RHOA: variants seen among roughly 807,000 people sequenced by gnomAD.
The protein encoded by RHOA is ras homolog family member A.
Under a neutral mutation model 17.5 loss-of-function variants are expected in RHOA, and 3 were observed. The observed-to-expected ratio is 0.17, with a 90% CI of 0.08 to 0.44. The LOEUF (loss-of-function observed/expected upper bound fraction) is 0.44. RHOA is among the 20% of genes least tolerant of loss of function. The pLI is 0.99. For missense variants in RHOA, 56 were observed against 242.3 expected (o/e 0.23, Z 5.10); for synonymous variants, 98 against 88.4 (o/e 1.11, Z -0.61).
At chr3:49,360,497 C>T in intron 4 of RHOA, 115 bp from the exon 5 acceptor site, 1 of 1,166,298 alleles carries the variant, frequency 8.6e-7, no homozygotes. Flanking sequence ...GACAGTTTTG[C>T]TCGTCGGTCG....
intron 1 of RHOA, among the ~76,000 whole-genome samples, chr3:49,377,646 C>T (rs950187920): frequency 6.7e-6 from 1 of 149,690 alleles, no homozygotes; most frequent in Non-Finnish European, 1.5e-5. Context: ...TGGTAGCATG[C>T]ACCTGTAGTC....
At chr3:49,389,239 C>T (rs569362096) in intron 1 of RHOA, among the ~76,000 whole-genome samples, 10 of 151,656 alleles carry the variant, frequency 6.6e-5, no homozygotes, top group African/African-American at 2.2e-4. Context: ...CCCAGCTACT[C>T]GGGGGGCTGA....
At chr3:49,388,733 T>C (rs540111629) in intron 1 of RHOA, among the ~76,000 whole-genome samples, 1 of 152,188 alleles carries the variant, frequency 6.6e-6, no homozygotes, top group Admixed American at 6.6e-5. Flanking sequence ...ATTTAGTATC[T>C]CACATTTTGA....
chr3:49,404,759 T>C (rs979644017), intron 1 of RHOA, among the ~76,000 whole-genome samples: 1 of 137,306 alleles, frequency 7.3e-6, no homozygotes. Context: ...TTAAACCCCG[T>C]CTCTACTAAA....
chr3:49,368,700 CTTTTTTCTTTT>C, intron 2 of RHOA, 152 bp from the exon 3 acceptor site: 1 of 491,624 alleles, frequency 2.0e-6, no homozygotes, highest in African/African-American at 2.5e-5. Context: ...TACATTTTTT[CTTTTTTCTTTT>C]TTTTTTTTTT....
At chr3:49,394,421 G>A (rs2048578036) in intron 1 of RHOA, among the ~76,000 whole-genome samples, 1 of 152,048 alleles carries the variant, frequency 6.6e-6, no homozygotes, top group South Asian at 2.1e-4. Context: ...CATGATCTTG[G>A]CTCAATGCAA....
intron 1 of RHOA, among the ~76,000 whole-genome samples, chr3:49,411,511 G>A (rs2048935078): frequency 6.6e-6 from 1 of 152,058 alleles, no homozygotes; most frequent in Non-Finnish European, 1.5e-5. Flanking sequence ...GCCCGGCGCC[G>A]CTGGGAGAGG....
At chr3:49,399,054 C>CAAAAAAAAAAAAAAAAAAAAAAAAA (rs10530558) in intron 1 of RHOA, among the ~76,000 whole-genome samples, 2 of 24,840 alleles carry the variant, frequency 8.1e-5, no homozygotes, top group Non-Finnish European at 1.3e-4. Context: ...GACTCCGTCT[C>CAAAAAAAAAAAAAAAAAAAAAAAAA]AAAAAAAAAA....
chr3:49,366,624 A>G (rs1438761096), intron 3 of RHOA: 3 of 152,074 alleles, frequency 2.0e-5, no homozygotes, highest in African/African-American at 7.2e-5. Flanking sequence ...ATCAATCATA[A>G]CTGCTGAAAA....
chr3:49,360,226 C>A lies in RHOA; in HGVS notation c.565G>T (p.Gly189Trp), dbSNP rs781037178. ...GCAAGGTTTCACAAGACAAGGCACC[C>A]AGATTTTTTCTTCCCACGTCTAGCT... ...LQARRGKKKS[G>W]CLVL The change falls in exon 5 of 5, where the codon GGG becomes TGG. Residue 189 changes from glycine (G) to tryptophan (W), a missense_variant. Physicochemically the swap from Gly to Trp is radical, Grantham distance 184 (BLOSUM62 -2). Coordinates refer to ENST00000418115, the MANE Select transcript of RHOA (RefSeq NM_001664.4). 1 of 1,613,196 alleles carries A rather than the reference C, an allele frequency of 6.2e-7. No individual in the cohort carries two copies. Among genetic ancestry groups the A allele is most frequent in the Non-Finnish European group, 8.5e-7 (1 of 1,179,782 alleles).
At chr3:49,403,390 G>A (rs1575286289) in intron 1 of RHOA, among the ~76,000 whole-genome samples, 1 of 152,236 alleles carries the variant, frequency 6.6e-6, no homozygotes, top group African/African-American at 2.4e-5. Context: ...TCGACTGAGT[G>A]GCAATTACTT....
intron 1 of RHOA, among the ~76,000 whole-genome samples, chr3:49,391,141 C>G (rs932123965): frequency 1.3e-5 from 2 of 151,694 alleles, no homozygotes; most frequent in African/African-American, 4.8e-5. Flanking sequence ...CCGCTTGTAC[C>G]CGGGAGGCAG....
rs77718349 is a variant in RHOA at position 49,405,494 on chromosome 3, C to T, written c.-3+6326G>A. On this transcript the variant is annotated intron_variant, in intron 1 of 4. Transcript: ENST00000418115. The stretch of plus-strand genomic sequence containing the variant: ...ACATGTCTGGCACTTGAGGTAAGTG[C>T]TTCTCTCTCACTGAAATCTCATGGC... Among the ~76,000 whole-genome samples the T allele has an allele frequency of 2.1e-3, 314 of 152,206 alleles. 3 individuals are homozygous for T. The East Asian group carries it at 0.022, about 11-fold the overall frequency.
chr3:49,378,170 T>TAAAAAC (rs1553633106), intron 1 of RHOA, among the ~76,000 whole-genome samples: 7 of 90,450 alleles, frequency 7.7e-5, no homozygotes, highest in Non-Finnish European at 1.2e-4. Flanking sequence ...AACTGTGTCT[T>TAAAAAC]AAAAAAAAAA....
intron 1 of RHOA, among the ~76,000 whole-genome samples, chr3:49,380,687 A>AATAATT (rs1251489729): frequency 7.2e-6 from 1 of 139,098 alleles, no homozygotes; most frequent in East Asian, 2.0e-4. Context: ...TAATAATAAT[A>AATAATT]ATAATAATAA....
intron 1 of RHOA, among the ~76,000 whole-genome samples, chr3:49,377,393 A>C (rs549943636): frequency 6.6e-6 from 1 of 152,176 alleles, no homozygotes; most frequent in South Asian, 2.1e-4. Flanking sequence ...CCAGGAGTTC[A>C]AGACGAGCCT....
intron 1 of RHOA, among the ~76,000 whole-genome samples, chr3:49,393,037 C>T (rs1287254564): frequency 1.3e-5 from 2 of 151,968 alleles, no homozygotes; most frequent in African/African-American, 4.8e-5. Context: ...ATTACCCAGG[C>T]ATGGTGAGCG....
At chr3:49,381,865 CAA>C (rs111761769) in intron 1 of RHOA, among the ~76,000 whole-genome samples, 3 of 138,180 alleles carry the variant, frequency 2.2e-5, no homozygotes, top group Non-Finnish European at 3.1e-5. Context: ...AAATTCGTCT[CAA>C]AAAAAAAAAA....
At position 49,411,668 on chromosome 3, in the gene RHOA, G is replaced by A. The variant is rs1310395294; in HGVS notation, c.-3+152C>T. Among the ~76,000 whole-genome samples the A allele has an allele frequency of 9.9e-5, 15 of 151,888 alleles. No homozygotes were observed. The East Asian group carries it at 2.5e-3, about 25-fold the overall frequency. On this transcript the variant is annotated intron_variant, in intron 1 of 4. Transcript: ENST00000418115. ...CGCTTGGGGCGCGGGGCCCGGGCTG[G>A]GAGTCAGGTCAAGGGTCAGGGGCCA...
Sources: gnomAD v4.1 joint callset for allele counts (sites outside exome capture counted in the v4.1 genomes callset) on GRCh38, gnomAD v4.1.1 for gene constraint, MANE v1.5 for transcripts, NCBI Gene and HGNC (gene_info 2026-07-23, HGNC 2026-07-21) for gene names.